The following POLQ variants were observed in gnomAD, a reference collection of about 807,000 sequenced individuals.
The protein encoded by POLQ is epididymis secretory sperm binding protein.
A neutral mutation model predicts 259.2 loss-of-function variants in POLQ; 233 were observed. The ratio of observed to expected loss-of-function variants is 0.90; its 90% confidence interval spans 0.81 to 1.00. The LOEUF (loss-of-function observed/expected upper bound fraction) is 1.00. Among genes scored for constraint, POLQ ranks in the 50% least tolerant of loss-of-function variants. POLQ has a pLI of 0.00. For missense variants in POLQ, 2,871 were observed against 3,051.6 expected (o/e 0.94, Z 1.39); for synonymous variants, 1,025 against 1,048.8 (o/e 0.98, Z 0.44).
At chr3:121,521,662 T>G (rs2048336940) in intron 8 of POLQ, 2 of 158,540 alleles carry the variant, frequency 1.3e-5, no homozygotes, top group African/African-American at 4.8e-5. Context: ...CTCCGCCTCC[T>G]GGGTTCAAGC....
chr3:121,473,472 A>C lies in POLQ; in HGVS notation c.6421T>G (p.Leu2141Val), dbSNP rs778729964. The C allele has an allele frequency of 1.1e-5, 17 of 1,612,308 alleles. No individual in the cohort carries two copies. Among genetic ancestry groups the C allele is most frequent in the Non-Finnish European group, 1.1e-5 (13 of 1,179,302 alleles). ...ATCTCTCTATTTGGGGGCAACTTCA[A>C]TTCCAAAAATAAAACCTGCAAGAAA... is the stretch of plus-strand genomic sequence containing the variant. ...DDIAEVLFLE[L>V]KLPPNREMKN... The change falls in exon 21 of 30, where the codon TTG becomes GTG. Residue 2141 changes from leucine (L) to valine (V), a missense_variant. Coordinates refer to ENST00000264233, the MANE Select transcript of POLQ (RefSeq NM_199420.4).
At chr3:121,539,636 C>A (rs1179161741) in intron 3 of POLQ, 47 bp from the exon 4 acceptor site, 1 of 1,468,678 alleles carries the variant, frequency 6.8e-7, no homozygotes. Context: ...ACTTGAAATT[C>A]AAGAGTTATA....
At chr3:121,475,448 G>A (rs904374579) in intron 20 of POLQ, among the ~76,000 whole-genome samples, 1 of 151,910 alleles carries the variant, frequency 6.6e-6, no homozygotes, top group Admixed American at 6.6e-5. Flanking sequence ...CCCTAATATA[G>A]GTATCAAAGG....
At position 121,449,349 on chromosome 3, in the gene POLQ, T is replaced by C. The variant is rs2047654773; in HGVS notation, c.7230A>G (p.Ala2410=). Residue 2410 remains alanine (A), a synonymous_variant, in exon 26 of 30, where the codon GCA becomes GCG. Coordinates refer to ENST00000264233, the MANE Select transcript of POLQ (RefSeq NM_199420.4). ...EQMGIKENDA[A]CYIDSFKSRY... The stretch of plus-strand genomic sequence containing the variant: ...TGGATTTGAAGGAGTCAATATAGCA[T>C]GCAGCATCATTTTCTTTAATGCCCA... 1.3e-6 allele frequency: 2 copies of C among 1,592,600 alleles called. No homozygotes were observed. Among genetic ancestry groups the C allele is most frequent in the Non-Finnish European group, 1.7e-6 (2 of 1,160,514 alleles).
At chr3:121,509,200 T>TG (rs1391641244) in intron 12 of POLQ, among the ~76,000 whole-genome samples, 2 of 152,230 alleles carry the variant, frequency 1.3e-5, no homozygotes, top group Non-Finnish European at 2.9e-5. Context: ...CATGACTTAA[T>TG]GGCACGCATG....
intron 24 of POLQ, among the ~76,000 whole-genome samples, chr3:121,465,084 T>C (rs1206688037): frequency 2.0e-5 from 3 of 150,670 alleles, no homozygotes; most frequent in Admixed American, 2.0e-4. Flanking sequence ...GTTTTTTTTC[T>C]TTTTTCTTTT....
chr3:121,494,707 C>T (rs1400113280), intron 14 of POLQ: 3 of 1,581,154 alleles, frequency 1.9e-6, no homozygotes, highest in South Asian at 2.2e-5. Flanking sequence ...AGACCTGCAC[C>T]ACTGTCGCCT....
intron 26 of POLQ, among the ~76,000 whole-genome samples, chr3:121,448,620 C>G (rs1470329071): frequency 3.3e-5 from 5 of 152,060 alleles, no homozygotes; most frequent in African/African-American, 1.2e-4. Context: ...CCACCTCAGC[C>G]TCCCAAAGTG....
chr3:121,496,310 G>A (rs1231603529), intron 14 of POLQ, among the ~76,000 whole-genome samples: 2 of 151,418 alleles, frequency 1.3e-5, no homozygotes, highest in Non-Finnish European at 2.9e-5. Flanking sequence ...CCAGTAGCTG[G>A]GATTATAAGC....
rs2047900658 is a variant in POLQ, at chr3:121,473,385, T to C, written c.6508A>G (p.Lys2170Glu). The C allele has an allele frequency of 2.5e-6, 4 of 1,614,082 alleles. No homozygotes were observed. The highest frequency in any genetic ancestry group is 3.4e-6 in the Non-Finnish European group (4 of 1,179,962). Residue 2170 changes from lysine (K) to glutamate (E), a missense_variant, in exon 21 of 30, where the codon AAG (lysine) becomes GAG (glutamate). Around this residue, in one of 3 missense-constraint regions of POLQ, gnomAD observed 2,080 missense variants for 2,126.0 expected, o/e 0.98. Coordinates refer to ENST00000264233, the MANE Select transcript of POLQ (RefSeq NM_199420.4). ...STRRGIDNGRKLRLGRQFSTS... is the reference protein window; with the variant it reads ...STRRGIDNGRELRLGRQFSTS... ...CTGAACTGTCTTCCCAGCCTTAGCTTGCGTCCATTGTCAATCCCTCTTCTG... is the reference window on the plus strand; with the variant it reads ...CTGAACTGTCTTCCCAGCCTTAGCTCGCGTCCATTGTCAATCCCTCTTCTG...
intron 18 of POLQ, among the ~76,000 whole-genome samples, chr3:121,482,468 C>T (rs2047978750): frequency 1.3e-5 from 2 of 150,408 alleles, no homozygotes; most frequent in Non-Finnish European, 2.9e-5. Flanking sequence ...TGCAGTGAGC[C>T]GAGATTGCAC....
At chr3:121,476,869 G>C in intron 19 of POLQ, 136 bp from the exon 20 acceptor site, 1 of 630,628 alleles carries the variant, frequency 1.6e-6, no homozygotes, top group Non-Finnish European at 2.7e-6. Context: ...CCAGTCTCCC[G>C]AGCAGCATCC....
intron 19 of POLQ, among the ~76,000 whole-genome samples, chr3:121,478,895 G>A (rs576962575): frequency 6.6e-6 from 1 of 152,080 alleles, no homozygotes; most frequent in African/African-American, 2.4e-5. Context: ...TGAATTACAG[G>A]GAAAATTAGA....
At chr3:121,441,010 G>T (rs536285265) in intron 26 of POLQ, among the ~76,000 whole-genome samples, 3 of 152,192 alleles carry the variant, frequency 2.0e-5, no homozygotes, top group Non-Finnish European at 2.9e-5. Context: ...TGCAATCTGG[G>T]TCAGTCATTA....
At chr3:121,519,837 C>A (rs1436962638) in intron 9 of POLQ, 34 bp downstream of exon 9, 1 of 1,157,640 alleles carries the variant, frequency 8.6e-7, no homozygotes, top group African/African-American at 1.5e-5. Flanking sequence ...TGTCCTTCAG[C>A]AATGCTGCTA....
chr3:121,457,953 C>G (rs962787531), intron 25 of POLQ, among the ~76,000 whole-genome samples: 1 of 152,248 alleles, frequency 6.6e-6, no homozygotes, highest in African/African-American at 2.4e-5. Context: ...TATTGCGGCA[C>G]TATTCACAAG....
chr3:121,476,738 A>G lies in POLQ; in HGVS notation c.6212-5T>C, dbSNP rs749181356. ...TTTCCACCTTACGGAAAACATCTGG[A>G]AGAAAAAAGAAAATTAAAACGTTAA... On this transcript the variant is annotated splice_polypyrimidine_tract_variant and splice_region_variant and intron_variant, in intron 19 of 29. Coordinates refer to ENST00000264233, the MANE Select transcript of POLQ (RefSeq NM_199420.4). 4 of 1,592,812 alleles carry G rather than the reference A, an allele frequency of 2.5e-6. No homozygotes were observed. The highest frequency in any genetic ancestry group is 2.6e-6 in the Non-Finnish European group (3 of 1,168,544).
At chr3:121,475,438 C>A (rs559084978) in intron 20 of POLQ, among the ~76,000 whole-genome samples, 3 of 151,992 alleles carry the variant, frequency 2.0e-5, no homozygotes, top group African/African-American at 7.2e-5. Context: ...TATCAGGCAA[C>A]CCTAATATAG....
At chr3:121,539,098 A>G (rs2048470698) in intron 4 of POLQ, among the ~76,000 whole-genome samples, 1 of 152,132 alleles carries the variant, frequency 6.6e-6, no homozygotes, top group Non-Finnish European at 1.5e-5. Context: ...ACCCATATAC[A>G]CTAACCACAA....
Sources: gnomAD v4.1 joint callset for allele counts (sites outside exome capture counted in the v4.1 genomes callset) on GRCh38, gnomAD v4.1.1 for gene constraint, gnomAD v4.1.1 regional missense constraint, MANE v1.5 for transcripts, NCBI Gene and HGNC (gene_info 2026-07-23, HGNC 2026-07-21) for gene names.